Variants in PTPRF observed in about 807,000 individuals in gnomAD.
The protein encoded by PTPRF is protein tyrosine phosphatase receptor type F, also known as receptor-type tyrosine-protein phosphatase F.
PTPRF carries 59 observed loss-of-function variants against 201.8 expected under a neutral mutation model. The ratio of observed to expected loss-of-function variants is 0.29; its 90% CI spans 0.24 to 0.36. The LOEUF is 0.36. Among genes scored for constraint, PTPRF ranks in the 10% least tolerant of loss-of-function variants. PTPRF has a pLI of 1.00. For synonymous variants in PTPRF, 1,088 were observed against 1,089.7 expected, an observed-to-expected ratio of 1.00 and a Z score of 0.03; for missense variants, 2,132 against 2,690.5, an observed-to-expected ratio of 0.79 and a Z score of 4.59.
intron 10 of PTPRF, among the ~76,000 whole-genome samples, 153 bp from the exon 11 acceptor site, chr1:43,592,304 A>C (rs997212220): frequency 1.3e-5 from 2 of 152,114 alleles, no homozygotes; most frequent in Non-Finnish European, 2.9e-5. Flanking sequence ...CTAAGCCCTG[A>C]GTTCCTTTTG....
At chr1:43,613,361 C>A (rs960922866) in intron 22 of PTPRF, 7 of 449,298 alleles carry the variant, frequency 1.6e-5, no homozygotes, top group African/African-American at 1.4e-4. Flanking sequence ...AGAGACCTGC[C>A]AGGCAGGGCC....
At chr1:43,584,906 T>C (rs1257847075) in intron 7 of PTPRF, among the ~76,000 whole-genome samples, 3 of 152,242 alleles carry the variant, frequency 2.0e-5, no homozygotes, top group Non-Finnish European at 2.9e-5. Context: ...GCTGTCACTC[T>C]ACTGAATGCT....
upstream of PTPRF, among the ~76,000 whole-genome samples, chr1:43,522,736 G>A (rs990877101): frequency 5.9e-5 from 9 of 152,082 alleles, no homozygotes; most frequent in African/African-American, 1.7e-4. Flanking sequence ...AGGGAAGGGG[G>A]AAATGCAGTA....
chr1:43,541,564 C>G (rs951599577), intron 2 of PTPRF, among the ~76,000 whole-genome samples: 13 of 152,260 alleles, frequency 8.5e-5, no homozygotes, highest in African/African-American at 3.1e-4. Flanking sequence ...TACTCAAGAG[C>G]CAGACATGGG....
intron 23 of PTPRF, among the ~76,000 whole-genome samples, chr1:43,615,861 G>A (rs1050489514): frequency 6.6e-6 from 1 of 152,166 alleles, no homozygotes; most frequent in African/African-American, 2.4e-5. Flanking sequence ...CACTGCACCA[G>A]GCCTGCTCTG....
chr1:43,607,633 C>T (rs557782210), intron 21 of PTPRF, among the ~76,000 whole-genome samples: 3 of 152,358 alleles, frequency 2.0e-5, no homozygotes, highest in South Asian at 4.1e-4. Context: ...TGGCTGCCCA[C>T]GTAAAGCCCA....
At chr1:43,561,750 G>A (rs1250595484) in intron 5 of PTPRF, among the ~76,000 whole-genome samples, 1 of 152,158 alleles carries the variant, frequency 6.6e-6, no homozygotes, top group Non-Finnish European at 1.5e-5. Context: ...CAGGGATGGG[G>A]ATGGGAGAGG....
At chr1:43,550,492 G>C (rs1258083367) in intron 3 of PTPRF, among the ~76,000 whole-genome samples, 1 of 152,196 alleles carries the variant, frequency 6.6e-6, no homozygotes, top group East Asian at 1.9e-4. Context: ...TGCAGCAGGG[G>C]CCGCGGTCCT....
chr1:43,577,923 G>A (rs1213817042), intron 6 of PTPRF, among the ~76,000 whole-genome samples: 1 of 152,202 alleles, frequency 6.6e-6, no homozygotes, highest in African/African-American at 2.4e-5. Flanking sequence ...GTTTTTTCAA[G>A]TGTTTATTGG....
Position 43,620,493 on chromosome 1 carries a change from C to G in PTPRF, c.5278C>G (p.Arg1760Gly). The change falls in exon 31 of 34, where the codon CGC becomes GGC. Residue 1760 changes from arginine to glycine, a missense_variant. Physicochemically the swap from Arg to Gly is moderately radical, Grantham distance 125. Transcript: ENST00000359947. ...GTACTGGCCAGCAGAGCGCTCTGCT[C>G]GCTACCAGTACTTTGTTGTTGACCC... ...HQYWPAERSA[R>G]YQYFVVDPMA... 3 of 1,612,732 alleles carry G rather than the reference C, an allele frequency of 1.9e-6. No individual in the cohort carries two copies. The highest frequency in any genetic ancestry group is 2.5e-6 in the Non-Finnish European group (3 of 1,178,750).
At chr1:43,615,007 CAG>C (rs1264307425) in intron 23 of PTPRF, among the ~76,000 whole-genome samples, 9 of 152,200 alleles carry the variant, frequency 5.9e-5, no homozygotes, top group African/African-American at 1.9e-4. Flanking sequence ...GCACTGGCCT[CAG>C]TAGATGGTTG....
chr1:43,587,065 G>T (rs1039661478), intron 7 of PTPRF, among the ~76,000 whole-genome samples: 9 of 152,210 alleles, frequency 5.9e-5, no homozygotes, highest in Non-Finnish European at 1.3e-4. Flanking sequence ...GTCAGGCCTG[G>T]TCTCTGGGGC....
chr1:43,597,790 G>C lies in PTPRF; in HGVS notation c.1856G>C (p.Gly619Ala). The change falls in exon 12 of 34, where the codon GGC (glycine) becomes GCC (alanine). Residue 619 changes from glycine (G) to alanine (A), a missense_variant. Gly to Ala is a moderately conservative substitution (Grantham distance 60). Around this residue, in one of 6 missense-constraint regions of PTPRF, gnomAD observed 125 missense variants for 211.9 expected, o/e 0.59. Transcript: ENST00000359947. ...CAGAAGGTGATGTGTGTGAGCATGG[G>C]CTCCACCACGGTCCGGGTAAGTTGG... is the stretch of plus-strand genomic sequence containing the variant. ...PPQKVMCVSM[G>A]STTVRVSWVP... 6.2e-7 allele frequency: 1 copy of C among 1,606,672 alleles called. No individual in the cohort carries two copies. Among genetic ancestry groups the C allele is most frequent in the Non-Finnish European group, 8.5e-7 (1 of 1,177,206 alleles).
intron 23 of PTPRF, 64 bp from the exon 24 acceptor site, chr1:43,617,381 T>C: frequency 6.2e-7 from 1 of 1,604,102 alleles, no homozygotes; most frequent in Non-Finnish European, 8.5e-7. Context: ...CTGGGTCCCC[T>C]GCAGGAGAAG....
chr1:43,540,285 G>A (rs911907703), intron 2 of PTPRF, among the ~76,000 whole-genome samples: 3 of 152,202 alleles, frequency 2.0e-5, no homozygotes, highest in Admixed American at 6.5e-5. Flanking sequence ...CTGGTCTACA[G>A]CCTCTTGCTG....
chr1:43,530,421 T>C (rs1390630834), upstream of PTPRF, among the ~76,000 whole-genome samples: 2 of 152,030 alleles, frequency 1.3e-5, no homozygotes, highest in African/African-American at 4.8e-5. This position sits in a 1 kb window ranked among gnomAD's most constrained non-coding sequence, Gnocchi z 4.1. Context: ...CAAGTAGAAG[T>C]AATAAAGAGA....
intron 3 of PTPRF, among the ~76,000 whole-genome samples, chr1:43,548,150 C>G (rs2039530): frequency 0.88 from 127,555 of 144,786 alleles, 56,485 homozygotes; most frequent in Admixed American, 0.92. Context: ...GGTGGGGTTG[C>G]GGGGAAGAAG....
chr1:43,617,510 C>T lies in PTPRF; in HGVS notation c.4137C>T (p.Asn1379=). The T allele has an allele frequency of 1.9e-6, 3 of 1,614,126 alleles. No homozygotes were observed. Among genetic ancestry groups the T allele is most frequent in the Non-Finnish European group, 2.5e-6 (3 of 1,180,016 alleles). The change falls in exon 24 of 34, where the codon AAC becomes AAT. Residue 1379 remains asparagine, a synonymous_variant. Transcript: ENST00000359947. The part of the protein sequence containing the change: ...NSNLEVNKPK[N]RYANVIAYDH... Reference sequence around the variant, plus strand: ...ACCTGGAGGTGAACAAGCCCAAGAACCGCTATGCGAATGTCATCGCCTACG... The same window carrying T: ...ACCTGGAGGTGAACAAGCCCAAGAATCGCTATGCGAATGTCATCGCCTACG...
chr1:43,598,934 G>T, intron 13 of PTPRF, 21 bp downstream of exon 13: 1 of 1,607,614 alleles, frequency 6.2e-7, no homozygotes, highest in South Asian at 1.1e-5. Flanking sequence ...GGGTGGTGGT[G>T]GGGTGGCAGG....
Sources: allele counts gnomAD v4.1 joint callset (sites outside exome capture counted in the v4.1 genomes callset), GRCh38; gene constraint gnomAD v4.1.1; regional missense constraint gnomAD v4.1.1; non-coding constraint Gnocchi (gnomAD v3.1); transcripts MANE v1.5; gene names NCBI Gene and HGNC (gene_info 2026-07-23, HGNC 2026-07-21).